ZNF791: variants seen among roughly 807,000 people sequenced by gnomAD.
The protein encoded by ZNF791 is zinc finger protein 791.
ZNF791 carries 4 observed loss-of-function variants against 11.5 expected under a neutral mutation model. The ratio of observed to expected loss-of-function variants is 0.35; its 90% confidence interval spans 0.17 to 0.80. The LOEUF (loss-of-function observed/expected upper bound fraction) is 0.80, where lower values mean the gene tolerates loss of function less well. ZNF791 is among the 30% of genes least tolerant of loss of function. The pLI is 0.53. For synonymous variants in ZNF791, 212 were observed against 228.1 expected, an observed-to-expected ratio of 0.93 and a Z score of 0.64; for missense variants, 559 against 699.4, an observed-to-expected ratio of 0.80 and a Z score of 2.26.
chr19:12,614,291 T>C (rs1326017461), intron 1 of ZNF791, among the ~76,000 whole-genome samples: 4 of 152,148 alleles, frequency 2.6e-5, no homozygotes, highest in African/African-American at 9.7e-5. Context: ...TGGAGTGCAG[T>C]GGCACGATCT....
At chr19:12,617,187 G>T (rs1272424151) in intron 1 of ZNF791, among the ~76,000 whole-genome samples, 1 of 146,530 alleles carries the variant, frequency 6.8e-6, no homozygotes, top group African/African-American at 2.5e-5. Context: ...GTGCAGTGGT[G>T]CAGTCTTGGC....
At chr19:12,613,707 A>C (rs2023196834) in intron 1 of ZNF791, among the ~76,000 whole-genome samples, 1 of 152,128 alleles carries the variant, frequency 6.6e-6, no homozygotes, top group African/African-American at 2.4e-5. Context: ...TGAGCCTGCA[A>C]AGAAAGATCA....
At chr19:12,620,751 G>GTTTTT (rs2023327234) in intron 1 of ZNF791, among the ~76,000 whole-genome samples, 1 of 71,606 alleles carries the variant, frequency 1.4e-5, no homozygotes, top group Non-Finnish European at 2.9e-5. Flanking sequence ...GGGGATTTAT[G>GTTTTT]TTCTTTTTTT....
In ZNF791 at chr19:12,623,698, A is replaced by G. The variant is rs2023385209; in HGVS notation, c.4-2A>G. 1 of 1,614,064 alleles carries G rather than the reference A, an allele frequency of 6.2e-7. No homozygotes were observed. The highest frequency in any genetic ancestry group is 2.2e-5 in the East Asian group (1 of 44,880). ...ATTCTCTACTTATATTGGATGTTTCAGGACTCAGTGGCTTTTGAGGATGTG... is the reference window on the plus strand; with the variant it reads ...ATTCTCTACTTATATTGGATGTTTCGGGACTCAGTGGCTTTTGAGGATGTG... On this transcript the variant is annotated splice_acceptor_variant, in intron 1 of 3. Transcript: ENST00000343325. LOFTEE classifies it high-confidence loss of function.
chr19:12,611,001 C>G lies in ZNF791; in HGVS notation c.-79C>G. 1 of 1,597,554 alleles carries G rather than the reference C, an allele frequency of 6.3e-7. No homozygotes were observed. ...CCCTTGACGCGTCAGGTTGCTGTAC[C>G]CCTGCATCGGATGCGCTGTACCCTG... On this transcript the variant is annotated 5_prime_UTR_variant, in exon 1 of 4. Transcript: ENST00000343325.
At chr19:12,625,500 T>G (rs530586709) in intron 3 of ZNF791, among the ~76,000 whole-genome samples, 10 of 151,864 alleles carry the variant, frequency 6.6e-5, no homozygotes, top group Admixed American at 2.0e-4. Context: ...AATATTATAC[T>G]TGGGCCGGGC....
chr19:12,614,809 G>A (rs1375934132), intron 1 of ZNF791, among the ~76,000 whole-genome samples: 4 of 147,274 alleles, frequency 2.7e-5, no homozygotes, highest in Non-Finnish European at 5.9e-5. Flanking sequence ...TGTCAGTCTG[G>A]TCTTGAGCTC....
At position 12,618,247 on chromosome 19, in the gene ZNF791, T is replaced by G. The variant is rs533987098; in HGVS notation, c.4-5453T>G. Reference sequence around the variant, plus strand: ...TCTATTCTTTTTCACAAGTATTGTATTTTTAAATTTTTGCCTCCTTTGAAC... The same window carrying G: ...TCTATTCTTTTTCACAAGTATTGTAGTTTTAAATTTTTGCCTCCTTTGAAC... On this transcript the variant is annotated intron_variant, in intron 1 of 3. Coordinates refer to ENST00000343325, the MANE Select transcript of ZNF791 (RefSeq NM_153358.3). Among the ~76,000 whole-genome samples, 3 of 152,276 alleles carry G rather than the reference T, an allele frequency of 2.0e-5. No individual in the cohort carries two copies. The South Asian group carries it at 6.2e-4, about 32-fold the overall frequency.
In ZNF791 at chr19:12,628,516, AT is replaced by A. The variant is rs1293798441; in HGVS notation, c.988del (p.Cys330ValfsTer18). On this transcript the variant is annotated frameshift_variant, in exon 4 of 4. Coordinates refer to ENST00000343325, the MANE Select transcript of ZNF791 (RefSeq NM_153358.3). LOFTEE classifies it low-confidence loss of function (END_TRUNC). ...TTCATACTGGAGAGAAGCCCTATAA[AT>A]GTAAAGAATGTGGGAAATCTTTCAG... ...RIHTGEKPYKCKECGKSFSAR... is the reference protein window; with the variant it reads ...RIHTGEKPYKXKECGKSFSAR... 3.1e-6 allele frequency: 5 copies of A among 1,608,306 alleles called. No individual in the cohort carries two copies. The highest frequency in any genetic ancestry group is 4.2e-6 in the Non-Finnish European group (5 of 1,177,772).
chr19:12,618,968 C>T (rs2023290386), intron 1 of ZNF791, among the ~76,000 whole-genome samples: 1 of 151,496 alleles, frequency 6.6e-6, no homozygotes, highest in Non-Finnish European at 1.5e-5. Context: ...CTGCTTCAGC[C>T]TCCCGAGTAG....
chr19:12,618,222 T>C (rs946433903), intron 1 of ZNF791, among the ~76,000 whole-genome samples: 2 of 152,108 alleles, frequency 1.3e-5, no homozygotes, highest in Admixed American at 1.3e-4. Flanking sequence ...CCACCAACCA[T>C]CTATTCTTTT....
At chr19:12,613,924 C>T (rs1165879502) in intron 1 of ZNF791, among the ~76,000 whole-genome samples, 1 of 152,082 alleles carries the variant, frequency 6.6e-6, no homozygotes, top group East Asian at 1.9e-4. Flanking sequence ...TTAGACATTA[C>T]GTTTTGAGTT....
Position 12,610,985 on chromosome 19 carries a change from C to G in ZNF791, c.-95C>G. The G allele has an allele frequency of 2.0e-6, 3 of 1,536,778 alleles. No individual in the cohort carries two copies. The highest frequency in any genetic ancestry group is 2.7e-6 in the Non-Finnish European group (3 of 1,111,294). Reference sequence around the variant, plus strand: ...CTTGGGGTCTCCTGGCCCCTTGACGCGTCAGGTTGCTGTACCCCTGCATCG... The same window carrying G: ...CTTGGGGTCTCCTGGCCCCTTGACGGGTCAGGTTGCTGTACCCCTGCATCG... On this transcript the variant is annotated 5_prime_UTR_variant, in exon 1 of 4. Coordinates refer to ENST00000343325, the MANE Select transcript of ZNF791 (RefSeq NM_153358.3).
intron 1 of ZNF791, among the ~76,000 whole-genome samples, chr19:12,615,963 A>G (rs927119450): frequency 2.0e-5 from 3 of 152,170 alleles, no homozygotes; most frequent in African/African-American, 4.8e-5. Context: ...ATGTGATTGC[A>G]TGGTCCACTG....
rs746288009 is a variant in ZNF791 at position 12,633,211 on chromosome 19, G to C, written c.*3951G>C. 2 of 151,926 alleles carry C rather than the reference G, an allele frequency of 1.3e-5. No homozygotes were observed. The highest frequency in any genetic ancestry group is 4.1e-4 in the South Asian group (2 of 4,820). The allele number at this position is 151,926 out of a possible 1,614,324, so 9.4% of individuals were successfully genotyped here. ...TGAAGTTTATCATATATTCTTATGC[G>C]AATTATTATTTTCGCCTTTTTTTTA... On this transcript the variant is annotated 3_prime_UTR_variant, in exon 4 of 4. Transcript: ENST00000343325.
intron 1 of ZNF791, 87 bp downstream of exon 1, chr19:12,611,169 G>T: frequency 6.4e-7 from 1 of 1,559,124 alleles, no homozygotes; most frequent in South Asian, 1.1e-5. Flanking sequence ...GCAGTGTGGG[G>T]CTGGGCTGGC....
chr19:12,612,836 C>T (rs2023182462), intron 1 of ZNF791, among the ~76,000 whole-genome samples: 1 of 135,638 alleles, frequency 7.4e-6, no homozygotes, highest in Non-Finnish European at 1.6e-5. Flanking sequence ...TTTTAAAGAC[C>T]AAGTCTTGCT....
intron 1 of ZNF791, among the ~76,000 whole-genome samples, chr19:12,621,802 C>T (rs867709998): frequency 1.2e-4 from 14 of 121,672 alleles, no homozygotes; most frequent in Admixed American, 1.6e-4. Flanking sequence ...CCAGCCGCCC[C>T]GTCCGGGAGG....
intron 1 of ZNF791, among the ~76,000 whole-genome samples, chr19:12,617,397 T>C (rs2023260877): frequency 6.6e-6 from 1 of 152,142 alleles, no homozygotes; most frequent in Non-Finnish European, 1.5e-5. Flanking sequence ...GTGCTGGGAT[T>C]ACAGGCATGA....
Sources: allele counts gnomAD v4.1 joint callset (sites outside exome capture counted in the v4.1 genomes callset), GRCh38; gene constraint gnomAD v4.1.1; transcripts MANE v1.5; gene names NCBI Gene and HGNC (gene_info 2026-07-23, HGNC 2026-07-21).